The following NSMCE2 variants were observed in gnomAD, a reference collection of about 807,000 sequenced individuals.
NSMCE2 encodes E3 SUMO-protein ligase NSE2.
A neutral mutation model predicts 23.8 loss-of-function variants in NSMCE2; 24 were observed. The ratio of observed to expected loss-of-function variants is 1.01; its 90% CI spans 0.73 to 1.42. NSMCE2 has a LOEUF of 1.42. NSMCE2 is among the 40% of genes most tolerant of loss of function. NSMCE2 has a pLI of 0.00. For synonymous variants in NSMCE2, 92 were observed against 94.1 expected, an observed-to-expected ratio of 0.98 and a Z score of 0.13; for missense variants, 284 against 296.5, an observed-to-expected ratio of 0.96 and a Z score of 0.31.
intron 5 of NSMCE2, among the ~76,000 whole-genome samples, chr8:125,201,449 G>A (rs1380219130): frequency 6.6e-6 from 1 of 152,220 alleles, no homozygotes; most frequent in Non-Finnish European, 1.5e-5. Context: ...AGGTCTGTTG[G>A]AGTTTGCTGG....
Position 125,286,228 on chromosome 8 carries a change from A to G in NSMCE2, c.419-70991A>G, listed in dbSNP as rs112629770. ...TTTGTGTTGATATGTCTTTACAGAG[A>G]TAACACCACCACCAAAAAATTATCC... On this transcript the variant is annotated intron_variant, in intron 5 of 7. Transcript: ENST00000287437. Among the ~76,000 whole-genome samples, 308 of 152,320 alleles carry G rather than the reference A, an allele frequency of 2.0e-3. 2 individuals are homozygous for G. Among genetic ancestry groups the G allele is most frequent in the African/African-American group, 7.2e-3 (300 of 41,564 alleles).
intron 1 of NSMCE2, among the ~76,000 whole-genome samples, chr8:125,099,452 A>T (rs951628976): frequency 1.8e-4 from 27 of 152,130 alleles, no homozygotes; most frequent in Non-Finnish European, 5.9e-5. Flanking sequence ...ATTTGGGTAT[A>T]GAAGGAGAAG....
chr8:125,225,098 A>T (rs1205242919), intron 5 of NSMCE2, among the ~76,000 whole-genome samples: 1 of 152,236 alleles, frequency 6.6e-6, no homozygotes, highest in Non-Finnish European at 1.5e-5. Context: ...AATTTATCAC[A>T]TATTTGGCAT....
chr8:125,197,825 A>G (rs1823690480), intron 5 of NSMCE2, among the ~76,000 whole-genome samples: 2 of 152,348 alleles, frequency 1.3e-5, no homozygotes, highest in Non-Finnish European at 2.9e-5. Flanking sequence ...ATCCATGAGT[A>G]TGAAATGTTC....
chr8:125,307,625 C>T (rs1173782678), intron 5 of NSMCE2, among the ~76,000 whole-genome samples: 2 of 152,220 alleles, frequency 1.3e-5, no homozygotes, highest in African/African-American at 2.4e-5. Context: ...TACCTCCCTT[C>T]TTCCAAGAGG....
intron 5 of NSMCE2, 83 bp downstream of exon 5, chr8:125,182,339 TAA>T (rs1822870302): frequency 2.9e-6 from 3 of 1,052,150 alleles, no homozygotes; most frequent in Non-Finnish European, 1.4e-6. Context: ...ACTGATTTTA[TAA>T]AGTTTGCTTA....
At chr8:125,301,676 A>G (rs569793592) in intron 5 of NSMCE2, among the ~76,000 whole-genome samples, 2 of 136,010 alleles carry the variant, frequency 1.5e-5, no homozygotes, top group African/African-American at 5.6e-5. Flanking sequence ...TTTTTTTGAG[A>G]CAGAGTCTCC....
intron 5 of NSMCE2, among the ~76,000 whole-genome samples, chr8:125,331,331 T>A (rs1324541287): frequency 1.3e-5 from 2 of 152,074 alleles, no homozygotes; most frequent in Non-Finnish European, 2.9e-5. Context: ...GTAATAATTT[T>A]AAAAAAAGGT....
intron 3 of NSMCE2, among the ~76,000 whole-genome samples, chr8:125,117,639 C>T (rs1040578853): frequency 6.6e-6 from 1 of 152,078 alleles, no homozygotes; most frequent in Non-Finnish European, 1.5e-5. Context: ...CTCAGCCTCC[C>T]AAAGTAGCTG....
intron 5 of NSMCE2, among the ~76,000 whole-genome samples, chr8:125,268,145 G>A (rs2131075093): frequency 6.6e-6 from 1 of 151,898 alleles, no homozygotes; most frequent in African/African-American, 2.4e-5. Flanking sequence ...GAGGTGGAAG[G>A]ATTTTTTGAG....
chr8:125,261,900 C>T (rs969497710), intron 5 of NSMCE2, among the ~76,000 whole-genome samples: 2 of 151,122 alleles, frequency 1.3e-5, no homozygotes, highest in Non-Finnish European at 2.9e-5. Flanking sequence ...AGTTCAAGAC[C>T]GTCCTCGCCA....
intron 5 of NSMCE2, among the ~76,000 whole-genome samples, chr8:125,234,447 A>C (rs923890927): frequency 1.1e-4 from 17 of 152,164 alleles, no homozygotes; most frequent in Non-Finnish European, 2.4e-4. Context: ...TCTTGCTCTG[A>C]GTCTTTCTTG....
At chr8:125,288,446 AT>A (rs1827981780) in intron 5 of NSMCE2, among the ~76,000 whole-genome samples, 1 of 152,048 alleles carries the variant, frequency 6.6e-6, no homozygotes, top group Non-Finnish European at 1.5e-5. Context: ...TCACATTTCA[AT>A]TATTTTGCCT....
chr8:125,265,567 A>G (rs376450700), intron 5 of NSMCE2, among the ~76,000 whole-genome samples: 1 of 152,134 alleles, frequency 6.6e-6, no homozygotes, highest in Non-Finnish European at 1.5e-5. Context: ...AAATGCTGCT[A>G]TCTTTATTCA....
intron 3 of NSMCE2, among the ~76,000 whole-genome samples, chr8:125,122,843 C>T (rs1296712547): frequency 6.6e-6 from 1 of 152,072 alleles, no homozygotes; most frequent in African/African-American, 2.4e-5. Flanking sequence ...TAATAATATC[C>T]TGTTTCCCAG....
chr8:125,161,419 C>A (rs1456479189), intron 4 of NSMCE2, among the ~76,000 whole-genome samples: 1 of 151,976 alleles, frequency 6.6e-6, no homozygotes, highest in African/African-American at 2.4e-5. Flanking sequence ...CTCTTTTATC[C>A]TTTATTTCAT....
At chr8:125,182,558 AT>A (rs1335386520) in intron 5 of NSMCE2, 5 of 455,246 alleles carry the variant, frequency 1.1e-5, no homozygotes, top group Non-Finnish European at 1.9e-5. Flanking sequence ...AGTGAAAACT[AT>A]TTTATTTAAA....
intron 3 of NSMCE2, among the ~76,000 whole-genome samples, chr8:125,113,381 C>T (rs1383742331): frequency 1.3e-5 from 2 of 151,992 alleles, no homozygotes; most frequent in Non-Finnish European, 2.9e-5. Context: ...CTAGCTACTC[C>T]AGAGGCTGAG....
In NSMCE2 at chr8:125,293,470, C is replaced by T. The variant is rs572352458; in HGVS notation, c.419-63749C>T. ...TTCTTTGTTTATTTTTATTTACTGA[C>T]TCCAGTGGGTTAATTTTGAAATTTA... is the stretch of plus-strand genomic sequence containing the variant. On this transcript the variant is annotated intron_variant, in intron 5 of 7. Coordinates refer to ENST00000287437, the MANE Select transcript of NSMCE2 (RefSeq NM_173685.4). Among the ~76,000 whole-genome samples, 3 of 134,590 alleles carry T rather than the reference C, an allele frequency of 2.2e-5. 1 individual carries two copies. The South Asian group carries it at 9.1e-4, about 41-fold the overall frequency. 88.3% of individuals were successfully genotyped at this position (134,590 alleles called of 152,430 possible).
Sources: gnomAD v4.1 joint callset for allele counts (sites outside exome capture counted in the v4.1 genomes callset) on GRCh38, gnomAD v4.1.1 for gene constraint, MANE v1.5 for transcripts, NCBI Gene and HGNC (gene_info 2026-07-23, HGNC 2026-07-21) for gene names.